Variants in ALDH3B2 observed in about 807,000 individuals in gnomAD.
ALDH3B2 encodes aldehyde dehydrogenase family 3 member B2.
In ALDH3B2, 45 loss-of-function variants were observed where a neutral mutation model predicts 36.7. That is an observed-to-expected ratio of 1.23 (90% CI 0.97 to 1.57). The LOEUF is 1.57. Ranked by LOEUF, ALDH3B2 falls within the 40% of genes most tolerant of loss-of-function variation. The probability of loss-of-function intolerance (pLI) is 0.00; values close to 1 mark genes in which losing one functional copy is unlikely to be tolerated. For synonymous variants in ALDH3B2, 217 were observed against 226.5 expected (o/e 0.96, Z 0.38); for missense variants, 464 against 513.3 (o/e 0.90, Z 0.93).
At position 67,666,320 on chromosome 11, in the gene ALDH3B2, TCC is replaced by T; in HGVS notation, c.231_232del (p.Asp78ProfsTer89). ...CTGGGGCAGGGCCACCCTCACCTGG[TCC>T]AGGTACTGGGGCAGCACCTCAGCCA... is the stretch of plus-strand genomic sequence containing the variant. On this transcript the variant is annotated frameshift_variant, in exon 5 of 10. Coordinates refer to ENST00000349015, the Ensembl canonical transcript of ALDH3B2. LOFTEE classifies it high-confidence loss of function. The T allele has an allele frequency of 6.2e-7, 1 of 1,608,004 alleles. No individual in the cohort carries two copies. Among genetic ancestry groups the T allele is most frequent in the East Asian group, 2.2e-5 (1 of 44,554 alleles).
upstream of ALDH3B2, among the ~76,000 whole-genome samples, chr11:67,675,436 C>G (rs1054099817): frequency 1.3e-5 from 2 of 152,216 alleles, no homozygotes; most frequent in Non-Finnish European, 2.9e-5. Flanking sequence ...GCAGAATGAG[C>G]TCAGGTCCTG....
At chr11:67,664,194 G>A (rs936230457) in intron 8 of ALDH3B2, 138 of 777,884 alleles carry the variant, frequency 1.8e-4, no homozygotes, top group Admixed American at 2.4e-4. Context: ...GGATGGACCC[G>A]CTAAGTGTCT....
intron 1 of ALDH3B2, among the ~76,000 whole-genome samples, chr11:67,672,246 C>T (rs1430436240): frequency 6.7e-6 from 1 of 149,710 alleles, no homozygotes; most frequent in Non-Finnish European, 1.5e-5. Flanking sequence ...CTCCCGGATT[C>T]AAGCGATTCT....
At chr11:67,680,710 C>T (rs1422214866) in intron 1 of ALDH3B2, among the ~76,000 whole-genome samples, 1 of 152,198 alleles carries the variant, frequency 6.6e-6, no homozygotes, top group East Asian at 1.9e-4. Context: ...AGCCACCGCA[C>T]CTGGCCAATT....
At chr11:67,670,023 TATGG>T (rs1230924749) in intron 1 of ALDH3B2, among the ~76,000 whole-genome samples, 13 of 21,844 alleles carry the variant, frequency 6.0e-4, no homozygotes, top group African/African-American at 1.0e-3. Flanking sequence ...TCTGTGTGTG[TATGG>T]GTGTCTGTGT....
In ALDH3B2 at chr11:67,663,028, C is replaced by T. The variant is rs1591139805; in HGVS notation, c.*187G>A. 2.7e-5 allele frequency: 20 copies of T among 730,854 alleles called. No homozygotes were observed. In the East Asian group the frequency reaches 4.2e-4, roughly 15 times the overall value. 45.3% of individuals were successfully genotyped at this position (730,854 alleles called of 1,614,324 possible). On this transcript the variant is annotated 3_prime_UTR_variant, in exon 10 of 10. Coordinates refer to ENST00000349015, the Ensembl canonical transcript of ALDH3B2. ...CGGCCTCTTGGCCTCTCTCGAGCAG[C>T]GTCCCCCAGATAGAAGCAAGACCTT... is the stretch of plus-strand genomic sequence containing the variant.
At chr11:67,663,004 G>A in exon 10 of ALDH3B2, 3 of 614,498 alleles carry the variant, frequency 4.9e-6, no homozygotes, top group Non-Finnish European at 8.4e-6. Context: ...CATGTTCTGC[G>A]GCCTCTTGGC....
chr11:67,671,695 C>T (rs909008676), intron 1 of ALDH3B2, among the ~76,000 whole-genome samples: 3 of 151,758 alleles, frequency 2.0e-5, no homozygotes, highest in Admixed American at 6.6e-5. Context: ...TACAGGCATG[C>T]ACCACCACGC....
exon 3 of ALDH3B2, chr11:67,666,934 A>C (rs1178685549): frequency 6.2e-7 from 1 of 1,614,004 alleles, no homozygotes; most frequent in Non-Finnish European, 8.5e-7. Context: ...TTCATCCTTC[A>C]TCCAGGCCTG....
rs539440784 is a variant in ALDH3B2, at chr11:67,680,657, T to C, written c.-245+519A>G. Among the ~76,000 whole-genome samples the C allele has an allele frequency of 4.6e-5, 7 of 152,302 alleles. No homozygotes were observed. In the South Asian group the frequency reaches 1.5e-3, roughly 32 times the overall value. ...GTCTCAAACTCCTGGGCTCAAGTGA[T>C]CCACCTGCCTCGGCTTCCCAAAGTT... On this transcript the variant is annotated intron_variant, in intron 1 of 9. Transcript: ENST00000530069.
intron 1 of ALDH3B2, among the ~76,000 whole-genome samples, chr11:67,673,313 C>T (rs1272399690): frequency 6.6e-6 from 1 of 152,216 alleles, no homozygotes; most frequent in Non-Finnish European, 1.5e-5. Context: ...ACCTGGGTCC[C>T]ATAGGTGACC....
intron 5 of ALDH3B2, 52 bp downstream of exon 5, chr11:67,666,264 C>T (rs1217671129): frequency 6.2e-6 from 10 of 1,612,662 alleles, no homozygotes; most frequent in South Asian, 1.1e-5. Flanking sequence ...CCTCAGCCCA[C>T]AGGGGTGATA....
At chr11:67,673,427 C>T (rs1856187372) in intron 1 of ALDH3B2, among the ~76,000 whole-genome samples, 2 of 152,110 alleles carry the variant, frequency 1.3e-5, no homozygotes, top group East Asian at 1.9e-4. Flanking sequence ...AGGGCTTCTT[C>T]CAGAGGTGGC....
intron 1 of ALDH3B2, among the ~76,000 whole-genome samples, chr11:67,669,630 A>G (rs1307475783): frequency 8.2e-6 from 1 of 122,064 alleles, no homozygotes; most frequent in African/African-American, 3.3e-5. Context: ...TTATATGTGT[A>G]TGGGTGTGTG....
At chr11:67,679,515 C>T (rs921594401), upstream of ALDH3B2, among the ~76,000 whole-genome samples, 1 of 151,830 alleles carries the variant, frequency 6.6e-6, no homozygotes, top group African/African-American at 2.4e-5. Flanking sequence ...CACAGTGGCT[C>T]ATGCCTGTAA....
chr11:67,663,123 C>T lies in ALDH3B2; in HGVS notation c.*92G>A, dbSNP rs544643780. Reference sequence around the variant, plus strand: ...AGCAACCTGAGGCTGGGGGAACCTGCGGTCTGGAGGAACAATGTGAGTTGG... The same window carrying T: ...AGCAACCTGAGGCTGGGGGAACCTGTGGTCTGGAGGAACAATGTGAGTTGG... On this transcript the variant is annotated 3_prime_UTR_variant, in exon 10 of 10. Coordinates refer to ENST00000349015, the Ensembl canonical transcript of ALDH3B2. 581 of 1,423,820 alleles carry T rather than the reference C, an allele frequency of 4.1e-4. No individual in the cohort carries two copies. The African/African-American group carries it at 6.2e-3, about 15-fold the overall frequency. The allele number at this position is 1,423,820 out of a possible 1,614,324, so 88.2% of individuals were successfully genotyped here. A position where few individuals can be genotyped will look rare whatever the true frequency, so the allele number is the denominator to read the frequency against.
chr11:67,664,416 C>A, exon 8 of ALDH3B2: 1 of 1,614,146 alleles, frequency 6.2e-7, no homozygotes, highest in Non-Finnish European at 8.5e-7. Flanking sequence ...TTGGAGAAGG[C>A]GTACAGGGCC....
At chr11:67,669,825 T>C (rs553328363) in intron 1 of ALDH3B2, among the ~76,000 whole-genome samples, 3 of 115,798 alleles carry the variant, frequency 2.6e-5, no homozygotes, top group Non-Finnish European at 1.8e-5. Flanking sequence ...TGTGTGTGTA[T>C]GGGTGTCTGT....
intron 6 of ALDH3B2, 29 bp downstream of exon 6, chr11:67,666,093 A>G (rs775302365): frequency 6.2e-6 from 10 of 1,608,852 alleles, no homozygotes; most frequent in Non-Finnish European, 8.5e-6. Context: ...CCCTCCACCT[A>G]CTCTGGGACC....
Sources: gnomAD v4.1 joint callset for allele counts (sites outside exome capture counted in the v4.1 genomes callset) on GRCh38, gnomAD v4.1.1 for gene constraint, MANE v1.5 for transcripts, NCBI Gene and HGNC (gene_info 2026-07-23, HGNC 2026-07-21) for gene names.